TMED10: variants seen among roughly 807,000 people sequenced by gnomAD.
TMED10 encodes transmembrane p24 trafficking protein 10, also known as transmembrane emp24 domain-containing protein 10.
A neutral mutation model predicts 23.1 loss-of-function variants in TMED10; 7 were observed. The observed-to-expected ratio is 0.30, with a 90% confidence interval of 0.17 to 0.57. TMED10 has a LOEUF of 0.57. TMED10 is among the 20% of genes least tolerant of loss of function. The pLI, the probability that TMED10 is intolerant of heterozygous loss-of-function variation, is 0.91. For synonymous variants in TMED10, 113 were observed against 106.9 expected (o/e 1.06, Z -0.35); for missense variants, 162 against 274.8 (o/e 0.59, Z 2.90).
intron 3 of TMED10, 47 bp from the exon 4 acceptor site, chr14:75,135,933 G>C: frequency 6.2e-7 from 1 of 1,600,574 alleles, no homozygotes; most frequent in Non-Finnish European, 8.5e-7. Flanking sequence ...CATCGCTTCA[G>C]TCAAGAACAT....
At chr14:75,163,552 CAAAAAAAAAA>C (rs758185921) in intron 1 of TMED10, among the ~76,000 whole-genome samples, 2 of 60,758 alleles carry the variant, frequency 3.3e-5, no homozygotes, top group African/African-American at 6.2e-5. Flanking sequence ...GACTCCGTAT[CAAAAAAAAAA>C]AAAAAAAAAA....
chr14:75,149,292 G>A (rs1302230493), intron 2 of TMED10, among the ~76,000 whole-genome samples: 1 of 152,206 alleles, frequency 6.6e-6, no homozygotes, highest in Admixed American at 6.5e-5. Context: ...CATTATCATA[G>A]AAGTAGGTTT....
chr14:75,175,759 AAAAG>A (rs1231429702), intron 1 of TMED10, among the ~76,000 whole-genome samples: 10 of 152,106 alleles, frequency 6.6e-5, no homozygotes, highest in Non-Finnish European at 1.3e-4. Context: ...TGAAAAAAAA[AAAAG>A]AATCTATTCC....
Position 75,135,886 on chromosome 14 carries a change from T to C in TMED10, c.412A>G (p.Ile138Val), listed in dbSNP as rs748956191. The change falls in exon 4 of 5, where the codon ATT becomes GTT. Residue 138 changes from isoleucine (I) to valine (V), a missense_variant and splice_region_variant. Physicochemically the swap from Ile to Val is conservative, Grantham distance 29. This residue lies in a region of TMED10 where 126 missense variants were observed against 239.5 expected (regional missense o/e 0.53). Coordinates refer to ENST00000303575, the MANE Select transcript of TMED10 (RefSeq NM_006827.6). Reference protein sequence around the residue: ...HGVEAKNYEEIAKVEKLKPLE... With the variant: ...HGVEAKNYEEVAKVEKLKPLE... ...GGTTTGAGCTTCTCAACTTTTGCAA[T>C]CTGGAAAAGAATGGAATATTTTCAG... is the stretch of plus-strand genomic sequence containing the variant. The C allele has an allele frequency of 1.6e-5, 26 of 1,613,340 alleles. No homozygotes were observed. The South Asian group carries it at 2.6e-4, about 16-fold the overall frequency.
intron 1 of TMED10, among the ~76,000 whole-genome samples, chr14:75,161,177 T>C (rs1896081203): frequency 6.6e-6 from 1 of 152,198 alleles, no homozygotes; most frequent in Non-Finnish European, 1.5e-5. Flanking sequence ...TCATTTAAAA[T>C]TGGATTTTCT....
Position 75,132,534 on chromosome 14 carries a change from C to T in TMED10, c.*2351G>A. On this transcript the variant is annotated 3_prime_UTR_variant, in exon 5 of 5. Transcript: ENST00000303575. ...GCTGCCTATGCTAAGGATCTGCAGC[C>T]AGGTTCTCAGAAGCAGTACCTACCA... is the stretch of plus-strand genomic sequence containing the variant. 6.6e-6 allele frequency: 1 copy of T among 152,092 alleles called. No individual in the cohort carries two copies. The allele number at this position is 152,092 out of a possible 1,614,324, so 9.4% of individuals were successfully genotyped here.
chr14:75,162,018 G>C (rs2139852557), intron 1 of TMED10, among the ~76,000 whole-genome samples: 1 of 151,800 alleles, frequency 6.6e-6, no homozygotes, highest in South Asian at 2.1e-4. Flanking sequence ...AAAAACCAGA[G>C]GTCCGGGGCG....
intron 3 of TMED10, among the ~76,000 whole-genome samples, chr14:75,142,017 T>C (rs1235976027): frequency 6.6e-6 from 1 of 152,214 alleles, no homozygotes; most frequent in East Asian, 1.9e-4. Context: ...AAATTCCCAC[T>C]TTCTGTTGTT....
intron 3 of TMED10, among the ~76,000 whole-genome samples, chr14:75,136,455 A>C (rs986068443): frequency 5.3e-5 from 8 of 152,304 alleles, no homozygotes; most frequent in African/African-American, 1.9e-4. Context: ...CACCATGCCC[A>C]GCTGATTTTT....
intron 1 of TMED10, among the ~76,000 whole-genome samples, chr14:75,172,895 T>G (rs1338402054): frequency 6.7e-6 from 1 of 149,988 alleles, no homozygotes; most frequent in African/African-American, 2.5e-5. Context: ...CTGGTGAAAT[T>G]TTTTTTTTTT....
chr14:75,172,004 C>T (rs1056924420), intron 1 of TMED10, among the ~76,000 whole-genome samples: 3 of 151,250 alleles, frequency 2.0e-5, no homozygotes, highest in African/African-American at 4.9e-5. Context: ...CATAGGTATA[C>T]GTGTGCCATG....
chr14:75,174,293 G>A (rs925427181), intron 1 of TMED10, among the ~76,000 whole-genome samples: 14 of 152,158 alleles, frequency 9.2e-5, no homozygotes, highest in African/African-American at 3.4e-4. Context: ...CATGTAGAAT[G>A]CAAAGTGGGA....
intron 1 of TMED10, among the ~76,000 whole-genome samples, chr14:75,170,829 A>C (rs1896224854): frequency 6.6e-6 from 1 of 152,232 alleles, no homozygotes; most frequent in East Asian, 1.9e-4. Flanking sequence ...TAAATATGGA[A>C]GGAGTAACGG....
chr14:75,170,943 G>T (rs1184639636), intron 1 of TMED10, among the ~76,000 whole-genome samples: 1 of 152,134 alleles, frequency 6.6e-6, no homozygotes, highest in Non-Finnish European at 1.5e-5. Context: ...TTACAATGAA[G>T]GCTTTGGGCT....
intron 3 of TMED10, among the ~76,000 whole-genome samples, chr14:75,138,764 T>TA (rs202228937): frequency 1.6e-4 from 24 of 146,394 alleles, no homozygotes; most frequent in Admixed American, 3.4e-4. Flanking sequence ...AAAATGATAT[T>TA]AAAAAAAAAA....
At chr14:75,163,552 C>CAAAAAAAAAAA (rs758185921) in intron 1 of TMED10, among the ~76,000 whole-genome samples, 1 of 60,756 alleles carries the variant, frequency 1.6e-5, no homozygotes, top group Non-Finnish European at 3.0e-5. Flanking sequence ...GACTCCGTAT[C>CAAAAAAAAAAA]AAAAAAAAAA....
chr14:75,147,231 C>T (rs1895897515), intron 3 of TMED10, among the ~76,000 whole-genome samples: 1 of 144,422 alleles, frequency 6.9e-6, no homozygotes, highest in South Asian at 2.2e-4. Flanking sequence ...CCCTGTCGCC[C>T]AGGCTGGAGT....
intron 3 of TMED10, among the ~76,000 whole-genome samples, chr14:75,139,927 T>C (rs1453516421): frequency 2.0e-5 from 3 of 152,094 alleles, no homozygotes; most frequent in African/African-American, 7.2e-5. Flanking sequence ...AATCTAAACC[T>C]AGAAATCCAA....
intron 2 of TMED10, 46 bp downstream of exon 2, chr14:75,151,986 A>C (rs1895960849): frequency 3.4e-6 from 5 of 1,490,910 alleles, no homozygotes; most frequent in Non-Finnish European, 3.7e-6. Flanking sequence ...GGAGCATTAG[A>C]GTTGGAGAAG....
Sources: allele counts gnomAD v4.1 joint callset (sites outside exome capture counted in the v4.1 genomes callset), GRCh38; gene constraint gnomAD v4.1.1; regional missense constraint gnomAD v4.1.1; transcripts MANE v1.5; gene names NCBI Gene and HGNC (gene_info 2026-07-23, HGNC 2026-07-21).